Variants in ANO4 observed in about 807,000 individuals in gnomAD.
The protein encoded by ANO4 is anoctamin-4.
ANO4 carries 69 observed loss-of-function variants against 141.9 expected under a neutral mutation model. That is an observed-to-expected ratio of 0.49 (90% CI 0.40 to 0.59). The LOEUF is 0.59. Among genes scored for constraint, ANO4 ranks in the 20% least tolerant of loss-of-function variants. The pLI, the probability that ANO4 is intolerant of heterozygous loss-of-function variation, is 0.00. For missense variants in ANO4, 894 were observed against 1,162.2 expected, an observed-to-expected ratio of 0.77 and a Z score of 3.36; for synonymous variants, 350 against 394.3, an observed-to-expected ratio of 0.89 and a Z score of 1.33.
chr12:101,072,363 C>T (rs981705950), intron 14 of ANO4, among the ~76,000 whole-genome samples: 1 of 152,096 alleles, frequency 6.6e-6, no homozygotes, highest in Non-Finnish European at 1.5e-5. Flanking sequence ...ATAAAGGCTG[C>T]AAAAATATAA....
intron 3 of ANO4, among the ~76,000 whole-genome samples, chr12:100,754,335 A>G (rs1276154624): frequency 6.6e-6 from 1 of 151,962 alleles, no homozygotes; most frequent in African/African-American, 2.4e-5. Context: ...ATTGCCATGG[A>G]TCAAGTCTTT....
At chr12:101,004,426 G>A (rs554823466) in intron 8 of ANO4, among the ~76,000 whole-genome samples, 1 of 152,086 alleles carries the variant, frequency 6.6e-6, no homozygotes, top group Non-Finnish European at 1.5e-5. Context: ...ACTGGAACCA[G>A]CTGCCATTGT....
chr12:100,846,913 C>T (rs1172359222), intron 1 of ANO4, among the ~76,000 whole-genome samples: 2 of 149,274 alleles, frequency 1.3e-5, no homozygotes, highest in Non-Finnish European at 3.0e-5. Flanking sequence ...TCTATACATA[C>T]ACTTATTCTT....
At chr12:100,833,091 A>G (rs1379126573) in intron 1 of ANO4, among the ~76,000 whole-genome samples, 10 of 152,106 alleles carry the variant, frequency 6.6e-5, no homozygotes, top group Admixed American at 3.3e-4. Flanking sequence ...TAGAACTTCC[A>G]TATGGAAGGG....
chr12:100,999,129 T>C (rs2045525519), intron 8 of ANO4, among the ~76,000 whole-genome samples: 1 of 152,222 alleles, frequency 6.6e-6, no homozygotes, highest in Admixed American at 6.5e-5. Context: ...TATCACTGAC[T>C]TAACTGTTTA....
rs11110638 is a variant in ANO4, at chr12:101,063,150, C to T, written c.1312+14749C>T. On this transcript the variant is annotated intron_variant, in intron 14 of 27. Transcript: ENST00000392977. Reference sequence around the variant, plus strand: ...TTGGCTAGGGGAGGGAGTTCCCCGACCCCTTGTGCTTCCTGGGTGAGACAG... The same window carrying T: ...TTGGCTAGGGGAGGGAGTTCCCCGATCCCTTGTGCTTCCTGGGTGAGACAG... 9.4e-4 allele frequency among the ~76,000 whole-genome samples: 143 copies of T among 152,312 alleles called. 2 individuals carry two copies. In the East Asian group the frequency reaches 0.02, roughly 21 times the overall value.
chr12:100,963,856 TC>T (rs1384513581), intron 5 of ANO4, among the ~76,000 whole-genome samples: 4 of 152,058 alleles, frequency 2.6e-5, no homozygotes, highest in African/African-American at 4.8e-5. Flanking sequence ...TACCCAAATG[TC>T]CCCCAAGCAT....
At chr12:100,972,415 G>A (rs2043971205) in intron 6 of ANO4, among the ~76,000 whole-genome samples, 1 of 152,148 alleles carries the variant, frequency 6.6e-6, no homozygotes, top group African/African-American at 2.4e-5. Flanking sequence ...TCATTGGCCT[G>A]TATGTCCTAA....
intron 1 of ANO4, among the ~76,000 whole-genome samples, chr12:100,867,221 A>G (rs2038794550): frequency 6.6e-6 from 1 of 152,198 alleles, no homozygotes. Flanking sequence ...ACTCTTGCTT[A>G]ACGGTCTTCA....
At chr12:101,122,093 A>G (rs535403592) in intron 26 of ANO4, among the ~76,000 whole-genome samples, 36 of 152,200 alleles carry the variant, frequency 2.4e-4, no homozygotes, top group African/African-American at 8.2e-4. Context: ...CTGGTGTGAG[A>G]TGGTGTCTCA....
chr12:100,823,045 GA>G (rs141833424), intron 1 of ANO4, among the ~76,000 whole-genome samples: 2 of 151,434 alleles, frequency 1.3e-5, no homozygotes, highest in African/African-American at 4.9e-5. Context: ...GTGTATTTCT[GA>G]AAAAAAATCA....
intron 6 of ANO4, among the ~76,000 whole-genome samples, chr12:100,973,174 T>C (rs548943996): frequency 1.4e-4 from 21 of 152,252 alleles, no homozygotes; most frequent in Non-Finnish European, 1.6e-4. Flanking sequence ...GTTTACCTAC[T>C]AAACATGGCT....
intron 1 of ANO4, among the ~76,000 whole-genome samples, chr12:100,811,571 A>T (rs949395996): frequency 6.6e-6 from 1 of 152,152 alleles, no homozygotes; most frequent in Non-Finnish European, 1.5e-5. Flanking sequence ...TGGAAACCAT[A>T]CCCACAGTCT....
chr12:101,079,150 A>G (rs1203089756), intron 14 of ANO4, 43 bp from the exon 15 acceptor site: 2 of 1,545,408 alleles, frequency 1.3e-6, no homozygotes, highest in Non-Finnish European at 1.8e-6. Flanking sequence ...GCCTTGTTTT[A>G]CTTTTATTCA....
chr12:100,878,082 C>G (rs996487793), intron 1 of ANO4, among the ~76,000 whole-genome samples: 2 of 152,084 alleles, frequency 1.3e-5, no homozygotes, highest in South Asian at 4.1e-4. Flanking sequence ...TTACCAAATC[C>G]CAGCCTTGGG....
intron 3 of ANO4, among the ~76,000 whole-genome samples, chr12:100,922,655 A>G (rs1472567547): frequency 6.6e-6 from 1 of 152,106 alleles, no homozygotes; most frequent in African/African-American, 2.4e-5. Flanking sequence ...ATCATAATCA[A>G]AGAAAAACCT....
intron 14 of ANO4, 37 bp downstream of exon 14, chr12:101,048,438 C>T (rs1285978644): frequency 3.8e-6 from 6 of 1,563,404 alleles, no homozygotes; most frequent in African/African-American, 1.4e-5. Flanking sequence ...GAGTTTTCCT[C>T]ATATGCCCTA....
chr12:100,724,195 AG>A (rs1452301408), intron 1 of ANO4, among the ~76,000 whole-genome samples: 1 of 152,244 alleles, frequency 6.6e-6, no homozygotes, highest in Non-Finnish European at 1.5e-5. Context: ...GGTTCATGAA[AG>A]GGCTTTTGTC....
chr12:100,873,506 C>G (rs888624373), intron 1 of ANO4, among the ~76,000 whole-genome samples: 1 of 152,136 alleles, frequency 6.6e-6, no homozygotes, highest in African/African-American at 2.4e-5. Context: ...GTATCATGCC[C>G]CTGCCCTAGA....
Sources: gnomAD v4.1 joint callset for allele counts (sites outside exome capture counted in the v4.1 genomes callset) on GRCh38, gnomAD v4.1.1 for gene constraint, MANE v1.5 for transcripts, NCBI Gene and HGNC (gene_info 2026-07-23, HGNC 2026-07-21) for gene names.